DYNLRB2: variants seen among roughly 807,000 people sequenced by gnomAD.
The protein encoded by DYNLRB2 is bithoraxoid-like protein.
DYNLRB2 carries 14 observed loss-of-function variants against 12.6 expected under a neutral mutation model. The ratio of observed to expected loss-of-function variants is 1.11; its 90% CI spans 0.73 to 1.73. The LOEUF (loss-of-function observed/expected upper bound fraction) is 1.73, where lower values mean the gene tolerates loss of function less well. Ranked by LOEUF, DYNLRB2 falls within the 40% of genes most tolerant of loss-of-function variation. The pLI is 0.00. For synonymous variants in DYNLRB2, 53 were observed against 37.0 expected (o/e 1.43, Z -1.57); for missense variants, 142 against 117.7 (o/e 1.21, Z -0.95).
intron 2 of DYNLRB2, chr16:80,548,848 ATAAAACT>A (rs566406838): frequency 2.3e-6 from 1 of 434,162 alleles, no homozygotes; most frequent in Non-Finnish European, 4.7e-6. Flanking sequence ...ATTTTCTAAC[ATAAAACT>A]TAAGATTTGT....
At position 80,550,711 on chromosome 16, in the gene DYNLRB2, T is replaced by C; in HGVS notation, c.*153T>C. 1.3e-6 allele frequency: 1 copy of C among 782,252 alleles called. No individual in the cohort carries two copies. The allele number at this position is 782,252 out of a possible 1,614,324, so 48.5% of individuals were successfully genotyped here. A position where few individuals can be genotyped will look rare whatever the true frequency, so the allele number is the denominator to read the frequency against. On this transcript the variant is annotated 3_prime_UTR_variant, in exon 4 of 4. Coordinates refer to ENST00000305904, the MANE Select transcript of DYNLRB2 (RefSeq NM_130897.3). Reference sequence around the variant, plus strand: ...GTTCTGCATGTCTCATTTAGTCCCTTTTGATTATATTGTGAAGTTGTACTT... The same window carrying C: ...GTTCTGCATGTCTCATTTAGTCCCTCTTGATTATATTGTGAAGTTGTACTT...
chr16:80,547,907 T>C (rs1904579168), intron 2 of DYNLRB2: 1 of 446,288 alleles, frequency 2.2e-6, no homozygotes. Flanking sequence ...CTCATACTGT[T>C]TAGCAAAACA....
intron 2 of DYNLRB2, among the ~76,000 whole-genome samples, chr16:80,543,824 T>C (rs1904313366): frequency 6.6e-6 from 1 of 152,222 alleles, no homozygotes; most frequent in Admixed American, 6.5e-5. Context: ...TATAATATAG[T>C]CTTTGTGGAT....
intron 2 of DYNLRB2, 107 bp from the exon 3 acceptor site, chr16:80,549,377 A>G (rs1374633058): frequency 8.7e-7 from 1 of 1,143,838 alleles, no homozygotes; most frequent in African/African-American, 1.6e-5. Context: ...ATAAGCCATC[A>G]CTTTTTTCTC....
chr16:80,542,238 C>T (rs1904294498), intron 1 of DYNLRB2, among the ~76,000 whole-genome samples: 1 of 152,146 alleles, frequency 6.6e-6, no homozygotes, highest in East Asian at 1.9e-4. Context: ...CATACGATTT[C>T]CTCTTAAAAT....
chr16:80,543,155 TCA>T (rs1404796549), intron 1 of DYNLRB2, 119 bp from the exon 2 acceptor site: 2 of 955,542 alleles, frequency 2.1e-6, no homozygotes, highest in Non-Finnish European at 3.1e-6. Context: ...TCTGAGATTA[TCA>T]CACCTGGCAC....
intron 2 of DYNLRB2, among the ~76,000 whole-genome samples, chr16:80,546,514 TC>T (rs1391815592): frequency 6.6e-6 from 1 of 152,238 alleles, no homozygotes; most frequent in Non-Finnish European, 1.5e-5. Flanking sequence ...AACACAGACT[TC>T]CTATTGATGA....
chr16:80,541,498 G>T (rs1368689592), intron 1 of DYNLRB2: 3 of 602,744 alleles, frequency 5.0e-6, no homozygotes, highest in African/African-American at 3.9e-5. Flanking sequence ...GGAATGGAAG[G>T]GTGAGAAGGG....
At chr16:80,543,216 C>A in intron 1 of DYNLRB2, 60 bp from the exon 2 acceptor site, 1 of 1,533,194 alleles carries the variant, frequency 6.5e-7, no homozygotes, top group Non-Finnish European at 9.0e-7. Flanking sequence ...ACATTATTCT[C>A]CTTAGGGTTG....
At chr16:80,543,190 G>A in intron 1 of DYNLRB2, 86 bp from the exon 2 acceptor site, 2 of 1,312,952 alleles carry the variant, frequency 1.5e-6, no homozygotes, top group Non-Finnish European at 2.2e-6. Flanking sequence ...AGATAGGAGA[G>A]TAGGTATCTT....
intron 2 of DYNLRB2, chr16:80,544,646 A>G (rs1480533129): frequency 6.6e-6 from 1 of 152,208 alleles, no homozygotes; most frequent in East Asian, 1.9e-4. Flanking sequence ...TGGCTACAGT[A>G]ACAAACTACA....
At chr16:80,549,780 T>A in intron 3 of DYNLRB2, 129 bp downstream of exon 3, 1 of 1,023,206 alleles carries the variant, frequency 9.8e-7, no homozygotes, top group East Asian at 3.0e-5. Flanking sequence ...TATTACAAAA[T>A]GATGTTTGAA....
At chr16:80,545,201 T>C (rs4561480) in intron 2 of DYNLRB2, among the ~76,000 whole-genome samples, 149,593 of 152,226 alleles carry the variant, frequency 0.98, 73,552 homozygotes, top group Middle Eastern at 1. Context: ...CTTTGATCTA[T>C]AATTTTACTC....
rs542288747 is a variant in DYNLRB2, at chr16:80,549,611, T to C, written c.207T>C (p.Leu69=). 2.2e-5 allele frequency: 35 copies of C among 1,612,596 alleles called. No individual in the cohort carries two copies. The highest frequency in any genetic ancestry group is 2.9e-5 in the Non-Finnish European group (34 of 1,178,992). Residue 69 remains leucine (L), a synonymous_variant, in exon 3 of 4, where the codon CTT becomes CTC. Transcript: ENST00000305904. ...DIDPQNDLTF[L]RIRSKKHEIM... ...ATCCTCAGAACGACCTGACTTTTCT[T>C]AGGATCAGATCAAAGAAACATGAAA...
At chr16:80,546,580 A>G (rs1413203076) in intron 2 of DYNLRB2, among the ~76,000 whole-genome samples, 2 of 152,170 alleles carry the variant, frequency 1.3e-5, no homozygotes, top group Non-Finnish European at 2.9e-5. Flanking sequence ...ATTAGAGTAG[A>G]TTTTTGTTAG....
intron 1 of DYNLRB2, among the ~76,000 whole-genome samples, chr16:80,541,613 G>C (rs543484814): frequency 2.0e-4 from 28 of 137,008 alleles, no homozygotes; most frequent in Non-Finnish European, 3.8e-4. Flanking sequence ...AAAAAGTAGA[G>C]ACTGTGGAAA....
chr16:80,546,661 G>A (rs1296556741), intron 2 of DYNLRB2, among the ~76,000 whole-genome samples: 8 of 152,044 alleles, frequency 5.3e-5, no homozygotes, highest in Non-Finnish European at 1.2e-4. Flanking sequence ...ATTAGATACT[G>A]GCAAATATGT....
intron 2 of DYNLRB2, 146 bp from the exon 3 acceptor site, chr16:80,549,337 GA>G: frequency 1.3e-6 from 1 of 764,020 alleles, no homozygotes. Context: ...GGATTTGAGG[GA>G]AATAAACTAA....
chr16:80,541,406 A>C, intron 1 of DYNLRB2: 2 of 984,538 alleles, frequency 2.0e-6, no homozygotes, highest in Non-Finnish European at 1.2e-6. Context: ...AAAGTTTCCA[A>C]AGAGGGGGCG....
Sources: gnomAD v4.1 joint callset for allele counts (sites outside exome capture counted in the v4.1 genomes callset) on GRCh38, gnomAD v4.1.1 for gene constraint, MANE v1.5 for transcripts, NCBI Gene and HGNC (gene_info 2026-07-23, HGNC 2026-07-21) for gene names.